XKR6: variants seen among roughly 807,000 people sequenced by gnomAD.
The protein encoded by XKR6 is XK-related protein 6.
Under a neutral mutation model 56.7 loss-of-function variants are expected in XKR6, and 22 were observed. The ratio of observed to expected loss-of-function variants is 0.39; its 90% CI spans 0.28 to 0.55. XKR6 has a LOEUF of 0.55. Ranked by LOEUF, XKR6 falls within the 20% of genes least tolerant of loss-of-function variation. XKR6 has a pLI of 0.66. For missense variants in XKR6, 852 were observed against 889.0 expected (o/e 0.96, Z 0.53); for synonymous variants, 524 against 387.8 (o/e 1.35, Z -4.13).
chr8:11,155,314 A>G (rs1334396755), intron 1 of XKR6, among the ~76,000 whole-genome samples: 1 of 152,228 alleles, frequency 6.6e-6, no homozygotes, highest in Non-Finnish European at 1.5e-5. Context: ...AGTATTCCAT[A>G]CTGGTAGTCT....
intron 1 of XKR6, among the ~76,000 whole-genome samples, chr8:11,095,480 G>C (rs1054298642): frequency 6.6e-6 from 1 of 152,204 alleles, no homozygotes; most frequent in African/African-American, 2.4e-5. Flanking sequence ...TGTGAGACTG[G>C]TGCTTTTAGG....
intron 1 of XKR6, among the ~76,000 whole-genome samples, chr8:11,150,852 C>CAA (rs546547767): frequency 0.12 from 10,949 of 89,432 alleles, 1,029 homozygotes; most frequent in African/African-American, 0.27. Context: ...GACTCCATCT[C>CAA]AAAAAAAAAA....
Position 10,898,451 on chromosome 8 carries a change from G to A in XKR6, c.1427C>T (p.Ala476Val), listed in dbSNP as rs1799949149. 2 of 1,614,000 alleles carry A rather than the reference G, an allele frequency of 1.2e-6. No homozygotes were observed. Among genetic ancestry groups the A allele is most frequent in the African/African-American group, 1.3e-5 (1 of 75,046 alleles). The stretch of plus-strand genomic sequence containing the variant: ...AAAGCTAATAAAGACACAACACAGT[G>A]CTGGCACCGCATAGGAGTCAGTGGT... ...PETTDSYAVPALCCVFISFVA... is the reference protein window; with the variant it reads ...PETTDSYAVPVLCCVFISFVA... Residue 476 changes from alanine to valine, a missense_variant, in exon 3 of 3, where the codon GCA becomes GTA. By Grantham distance (64) the Ala-to-Val change is moderately conservative. Around this residue, in one of 4 missense-constraint regions of XKR6, gnomAD observed 197 missense variants for 190.9 expected, o/e 1.03. Coordinates refer to ENST00000416569, the MANE Select transcript of XKR6 (RefSeq NM_173683.4). This position sits in a 1 kb window ranked among gnomAD's most constrained non-coding sequence, Gnocchi z 6.6.
rs1387292813 is a variant in XKR6, at chr8:11,176,954, G to C, written c.764+23622C>G. Among the ~76,000 whole-genome samples, 8 of 152,224 alleles carry C rather than the reference G, an allele frequency of 5.3e-5. No individual in the cohort carries two copies. In the East Asian group the frequency reaches 1.5e-3, roughly 29 times the overall value. ...GTGGCCAATGCTAAGAGAAGGTGGG[G>C]AGGAGAGGGCAAACATGCATGCACT... is the stretch of plus-strand genomic sequence containing the variant. On this transcript the variant is annotated intron_variant, in intron 1 of 2. Coordinates refer to ENST00000416569, the MANE Select transcript of XKR6 (RefSeq NM_173683.4).
At chr8:11,169,188 C>T (rs143157452) in intron 1 of XKR6, among the ~76,000 whole-genome samples, 255 of 152,022 alleles carry the variant, frequency 1.7e-3, no homozygotes, top group Middle Eastern at 6.8e-3. Flanking sequence ...CTCTTCCAGG[C>T]ACCCTCTCTG....
At chr8:11,075,739 G>A (rs936481095) in intron 1 of XKR6, among the ~76,000 whole-genome samples, 4 of 152,130 alleles carry the variant, frequency 2.6e-5, no homozygotes, top group Non-Finnish European at 5.9e-5. Context: ...TGGGTGTGGT[G>A]GTGAGCACCT....
At chr8:11,002,104 G>C (rs373388099) in intron 1 of XKR6, among the ~76,000 whole-genome samples, 1 of 150,776 alleles carries the variant, frequency 6.6e-6, no homozygotes, top group Non-Finnish European at 1.5e-5. Flanking sequence ...CTCCTTCCAG[G>C]TCCCTGCCAA....
At chr8:10,903,984 T>G (rs1563279246) in intron 2 of XKR6, among the ~76,000 whole-genome samples, 2 of 152,204 alleles carry the variant, frequency 1.3e-5, no homozygotes, top group Non-Finnish European at 2.9e-5. Flanking sequence ...CAATGCGTTC[T>G]CCTAGGTAAC....
At chr8:10,942,296 A>G (rs1801407697) in intron 1 of XKR6, among the ~76,000 whole-genome samples, 2 of 152,242 alleles carry the variant, frequency 1.3e-5, no homozygotes, top group Non-Finnish European at 1.5e-5. Context: ...CTGACAGAGC[A>G]CACACGCATG....
intron 1 of XKR6, among the ~76,000 whole-genome samples, chr8:11,019,705 C>T (rs1798706816): frequency 6.6e-6 from 1 of 152,150 alleles, no homozygotes; most frequent in Non-Finnish European, 1.5e-5. Flanking sequence ...CCTGGCAGGC[C>T]CCAGCCACAC....
intron 1 of XKR6, among the ~76,000 whole-genome samples, chr8:11,190,254 AGAAAG>A (rs1017589262): frequency 1.3e-5 from 2 of 151,684 alleles, no homozygotes; most frequent in African/African-American, 2.4e-5. Flanking sequence ...AGAAAAGAAA[AGAAAG>A]GAAAGGAAAA....
At position 11,167,979 on chromosome 8, in the gene XKR6, C is replaced by G. The variant is rs139430923; in HGVS notation, c.764+32597G>C. On this transcript the variant is annotated intron_variant, in intron 1 of 2. Transcript: ENST00000416569. ...CAGAGACTTCAGTGACCACACAAGA[C>G]AAGGAATATAATCCCTACAAAAATA... 4.8e-5 allele frequency among the ~76,000 whole-genome samples: 7 copies of G among 146,340 alleles called. No individual in the cohort carries two copies. The East Asian group carries it at 1.4e-3, about 30-fold the overall frequency.
intron 1 of XKR6, among the ~76,000 whole-genome samples, chr8:11,181,486 A>G (rs536813786): frequency 6.6e-6 from 1 of 152,250 alleles, no homozygotes; most frequent in Admixed American, 6.5e-5. Context: ...CCACTCAACA[A>G]TGAGAACAAT....
chr8:11,088,704 T>C (rs1797972771), intron 1 of XKR6, among the ~76,000 whole-genome samples: 1 of 152,210 alleles, frequency 6.6e-6, no homozygotes, highest in Admixed American at 6.5e-5. Flanking sequence ...GATTTCAACG[T>C]TCTAGACATA....
At chr8:11,123,734 T>A (rs746931582) in intron 1 of XKR6, 8 of 400,254 alleles carry the variant, frequency 2.0e-5, no homozygotes, top group Non-Finnish European at 4.0e-5. Context: ...AAATCCAATA[T>A]GCACCCCTAC....
chr8:11,182,804 A>G (rs1803065894), intron 1 of XKR6, among the ~76,000 whole-genome samples: 1 of 152,198 alleles, frequency 6.6e-6, no homozygotes, highest in South Asian at 2.1e-4. Flanking sequence ...ACAATGCATC[A>G]TCAGTCATTT....
intron 1 of XKR6, among the ~76,000 whole-genome samples, chr8:11,093,381 T>C (rs1178451669): frequency 6.6e-6 from 1 of 152,020 alleles, no homozygotes; most frequent in East Asian, 1.9e-4. Context: ...GCCCAGCTTT[T>C]ATCTCAAGTC....
intron 1 of XKR6, among the ~76,000 whole-genome samples, chr8:11,196,665 C>T (rs1236116153): frequency 1.3e-5 from 2 of 152,220 alleles, no homozygotes. Flanking sequence ...TGGAATAAGC[C>T]TGAAATCCAG....
At chr8:11,057,944 G>T (rs1433475447) in intron 1 of XKR6, among the ~76,000 whole-genome samples, 1 of 152,222 alleles carries the variant, frequency 6.6e-6, no homozygotes, top group Non-Finnish European at 1.5e-5. Flanking sequence ...TGAAGGAAGA[G>T]AAAGAAAATA....
Sources: gnomAD v4.1 joint callset for allele counts (sites outside exome capture counted in the v4.1 genomes callset) on GRCh38, gnomAD v4.1.1 for gene constraint, gnomAD v4.1.1 regional missense constraint, Gnocchi (gnomAD v3.1) non-coding constraint, MANE v1.5 for transcripts, NCBI Gene and HGNC (gene_info 2026-07-23, HGNC 2026-07-21) for gene names.